Variants in CSMD1 observed in about 807,000 individuals in gnomAD.
CSMD1 encodes CUB and Sushi multiple domains 1.
A neutral mutation model predicts 417.5 loss-of-function variants in CSMD1; 213 were observed. The ratio of observed to expected loss-of-function variants is 0.51; its 90% CI spans 0.46 to 0.57. The LOEUF (loss-of-function observed/expected upper bound fraction) is 0.57, where lower values mean the gene tolerates loss of function less well. CSMD1 is among the 20% of genes least tolerant of loss of function. The pLI is 0.00. For synonymous variants in CSMD1, 2,862 were observed against 1,736.8 expected, an observed-to-expected ratio of 1.65 and a Z score of -16.11; for missense variants, 6,923 against 4,529.7, an observed-to-expected ratio of 1.53 and a Z score of -15.17.
Position 4,481,741 on chromosome 8 carries a change from A to G in CSMD1, c.303-61676T>C, listed in dbSNP as rs573535555. 1.3e-5 allele frequency among the ~76,000 whole-genome samples: 2 copies of G among 152,312 alleles called. 1 individual carries two copies. Among genetic ancestry groups the G allele is most frequent in the African/African-American group, 4.8e-5 (2 of 41,572 alleles). On this transcript the variant is annotated intron_variant, in intron 2 of 69. Transcript: ENST00000635120. ...TAGACTACTTCTTTAAGCTTAAAGA[A>G]GTAAATATTAGATACTGTGCCTAGT...
chr8:4,543,349 A>C (rs1484225655), intron 2 of CSMD1, among the ~76,000 whole-genome samples: 1 of 152,048 alleles, frequency 6.6e-6, no homozygotes, highest in Non-Finnish European at 1.5e-5. Flanking sequence ...TAGCGTCCCC[A>C]TAGTTCTGCC....
intron 51 of CSMD1, among the ~76,000 whole-genome samples, chr8:3,024,462 C>A (rs1032235538): frequency 6.6e-6 from 1 of 152,080 alleles, no homozygotes; most frequent in East Asian, 1.9e-4. Flanking sequence ...CATGCCACCA[C>A]ACGGGACTAA....
intron 3 of CSMD1, among the ~76,000 whole-genome samples, chr8:4,309,681 A>G (rs934785310): frequency 1.3e-5 from 2 of 152,044 alleles, no homozygotes; most frequent in African/African-American, 4.8e-5. Context: ...CACCTTACAC[A>G]TTTTTTTAGA....
At chr8:4,314,988 A>G (rs1333988216) in intron 3 of CSMD1, among the ~76,000 whole-genome samples, 2 of 152,140 alleles carry the variant, frequency 1.3e-5, no homozygotes, top group African/African-American at 2.4e-5. Context: ...CCACATGGCT[A>G]ATAGTACTGA....
intron 3 of CSMD1, among the ~76,000 whole-genome samples, chr8:4,046,299 T>G (rs955970618): frequency 6.6e-6 from 1 of 152,210 alleles, no homozygotes; most frequent in East Asian, 1.9e-4. Context: ...TAACTTCAGT[T>G]ATTTCTCTTC....
At chr8:4,375,004 G>A (rs1422952396) in intron 3 of CSMD1, among the ~76,000 whole-genome samples, 1 of 147,270 alleles carries the variant, frequency 6.8e-6, no homozygotes, top group South Asian at 2.2e-4. Context: ...AGGAGCAATA[G>A]TGGGGACAGG....
At chr8:4,687,806 G>C (rs1358133581) in intron 1 of CSMD1, among the ~76,000 whole-genome samples, 1 of 147,380 alleles carries the variant, frequency 6.8e-6, no homozygotes. Context: ...TGCATGCACA[G>C]ACAGATACAC....
chr8:4,373,772 G>T (rs924810730), intron 3 of CSMD1, among the ~76,000 whole-genome samples: 1 of 152,172 alleles, frequency 6.6e-6, no homozygotes, highest in African/African-American at 2.4e-5. Context: ...TCTCCCTGGG[G>T]CACTTTTTCT....
chr8:4,440,509 C>A (rs954522680), intron 2 of CSMD1, among the ~76,000 whole-genome samples: 4 of 152,114 alleles, frequency 2.6e-5, no homozygotes, highest in East Asian at 1.9e-4. Flanking sequence ...TCTATAATTT[C>A]TATGGATATA....
intron 4 of CSMD1, among the ~76,000 whole-genome samples, chr8:4,008,592 CTTT>C (rs1201409236): frequency 1.2e-5 from 1 of 86,590 alleles, no homozygotes; most frequent in Non-Finnish European, 2.5e-5. Flanking sequence ...TATTTTCTTT[CTTT>C]TTTTCTTTTT....
At chr8:4,373,995 T>A (rs1802558381) in intron 3 of CSMD1, among the ~76,000 whole-genome samples, 1 of 152,200 alleles carries the variant, frequency 6.6e-6, no homozygotes, top group African/African-American at 2.4e-5. Context: ...AAAGCCAGTA[T>A]GAACTATGAC....
At chr8:3,678,931 C>G (rs1053652808) in intron 7 of CSMD1, among the ~76,000 whole-genome samples, 3 of 152,082 alleles carry the variant, frequency 2.0e-5, no homozygotes, top group African/African-American at 7.2e-5. Context: ...CATATCCAGC[C>G]AAATTAAGCT....
At chr8:3,035,125 G>C (rs900983317) in intron 50 of CSMD1, among the ~76,000 whole-genome samples, 2 of 152,032 alleles carry the variant, frequency 1.3e-5, no homozygotes, top group South Asian at 2.1e-4. Flanking sequence ...GAAAACACTT[G>C]GTTCTTTCTA....
At chr8:3,990,588 G>A (rs1022269488) in intron 5 of CSMD1, among the ~76,000 whole-genome samples, 17 of 152,216 alleles carry the variant, frequency 1.1e-4, no homozygotes, top group Admixed American at 3.3e-4. Flanking sequence ...TTTCAAATAC[G>A]TATTCTTTGA....
intron 26 of CSMD1, among the ~76,000 whole-genome samples, chr8:3,248,890 C>A (rs533140892): frequency 6.4e-4 from 97 of 152,144 alleles, no homozygotes; most frequent in Non-Finnish European, 8.1e-4. Flanking sequence ...ATTCCCGCAG[C>A]TCTATGATAA....
chr8:3,125,880 G>C (rs776643582), intron 41 of CSMD1, among the ~76,000 whole-genome samples: 1 of 152,180 alleles, frequency 6.6e-6, no homozygotes, highest in Non-Finnish European at 1.5e-5. Context: ...GGGAGGCTGA[G>C]GCAGGAGAAT....
chr8:3,099,199 C>T (rs1017666855), intron 46 of CSMD1, among the ~76,000 whole-genome samples: 1 of 152,116 alleles, frequency 6.6e-6, no homozygotes, highest in Non-Finnish European at 1.5e-5. Context: ...ACCGCAATTA[C>T]AAACCATCCA....
chr8:4,263,173 G>T (rs1804002119), intron 3 of CSMD1, among the ~76,000 whole-genome samples: 1 of 151,634 alleles, frequency 6.6e-6, no homozygotes, highest in Non-Finnish European at 1.5e-5. Flanking sequence ...GTTCTGACTA[G>T]CTGTGTATTC....
intron 23 of CSMD1, among the ~76,000 whole-genome samples, chr8:3,323,768 G>A (rs1388611094): frequency 7.3e-6 from 1 of 137,550 alleles, no homozygotes; most frequent in Non-Finnish European, 1.6e-5. Flanking sequence ...TTTCATCATT[G>A]TTAAAATAGG....
Sources: allele counts gnomAD v4.1 joint callset (sites outside exome capture counted in the v4.1 genomes callset), GRCh38; gene constraint gnomAD v4.1.1; transcripts MANE v1.5; gene names NCBI Gene and HGNC (gene_info 2026-07-23, HGNC 2026-07-21).